The following ELFN2 variants were observed in gnomAD, a reference collection of about 807,000 sequenced individuals.
ELFN2 encodes the protein extracellular leucine rich repeat and fibronectin type III domain containing 2.
A neutral mutation model predicts 45.5 loss-of-function variants in ELFN2; 17 were observed. That is an observed-to-expected ratio of 0.37 (90% CI 0.26 to 0.56). The LOEUF (loss-of-function observed/expected upper bound fraction) is 0.56, where lower values mean the gene tolerates loss of function less well. ELFN2 is among the 20% of genes least tolerant of loss of function. The pLI, the probability that ELFN2 is intolerant of heterozygous loss-of-function variation, is 0.77. For synonymous variants in ELFN2, 550 were observed against 551.5 expected (o/e 1.00, Z 0.04); for missense variants, 922 against 1,183.2 (o/e 0.78, Z 3.24).
intron 1 of ELFN2, among the ~76,000 whole-genome samples, chr22:37,358,914 C>T (rs367815330): frequency 7.2e-5 from 11 of 152,188 alleles, no homozygotes; most frequent in African/African-American, 2.2e-4. Flanking sequence ...TCCAAAAAAA[C>T]GGCCCATCAT....
chr22:37,363,456 G>A (rs949446504), downstream of ELFN2, among the ~76,000 whole-genome samples: 2 of 152,150 alleles, frequency 1.3e-5, no homozygotes, highest in Admixed American at 6.5e-5. Context: ...TCCTTCACAC[G>A]TGACCTTGCT....
chr22:37,417,138 C>A lies in ELFN2; in HGVS notation c.-463+631G>T, dbSNP rs1932768116. On this transcript the variant is annotated intron_variant, in intron 2 of 2. Coordinates refer to ENST00000402918, the MANE Select transcript of ELFN2 (RefSeq NM_052906.5). The surrounding 1 kb of genome is among the most constrained non-coding windows in gnomAD (Gnocchi z 4.5). The stretch of plus-strand genomic sequence containing the variant: ...ACAGCCCCAGCCTCTCCTCTCCTCT[C>A]CTCTCCAGGGCAGCCACCAGCCCCA... 6.6e-6 allele frequency among the ~76,000 whole-genome samples: 1 copy of A among 151,552 alleles called. No individual in the cohort carries two copies. The highest frequency in any genetic ancestry group is 2.4e-5 in the African/African-American group (1 of 41,396).
chr22:37,364,722 AG>A (rs1342672864), downstream of ELFN2, among the ~76,000 whole-genome samples: 1 of 152,208 alleles, frequency 6.6e-6, no homozygotes, highest in African/African-American at 2.4e-5. Context: ...GGCCAAATCC[AG>A]GGGCCTTCCT....
At chr22:37,356,771 C>A (rs191379111) in intron 1 of ELFN2, among the ~76,000 whole-genome samples, 11 of 152,302 alleles carry the variant, frequency 7.2e-5, no homozygotes, top group Non-Finnish European at 1.5e-4. Flanking sequence ...CACACTTTGT[C>A]CACGTTCCCA....
chr22:37,341,022 GAGAT>G (rs916948836), intron 2 of ELFN2: 3 of 150,746 alleles, frequency 2.0e-5, no homozygotes, highest in African/African-American at 5.0e-5. Context: ...TGGACTGAGA[GAGAT>G]AGAGAGAGGG....
At chr22:37,379,023 C>T (rs59658750) in intron 2 of ELFN2, among the ~76,000 whole-genome samples, 32,879 of 152,144 alleles carry the variant, frequency 0.22, 3,771 homozygotes, top group South Asian at 0.34. Flanking sequence ...GACAGGGCAG[C>T]ACCCCACATA....
At chr22:37,343,033 T>G (rs776622181) in intron 1 of ELFN2, among the ~76,000 whole-genome samples, 13 of 152,086 alleles carry the variant, frequency 8.5e-5, no homozygotes, top group Non-Finnish European at 1.8e-4. Context: ...GGGGCTCAAG[T>G]CACAGAAACA....
chr22:37,385,679 CA>C (rs1489197113), intron 2 of ELFN2, among the ~76,000 whole-genome samples: 1 of 152,188 alleles, frequency 6.6e-6, no homozygotes, highest in African/African-American at 2.4e-5. Context: ...CCCAGCCTGT[CA>C]GGGGTATTCC....
chr22:37,382,035 G>C (rs1931797073), intron 2 of ELFN2, among the ~76,000 whole-genome samples: 1 of 150,452 alleles, frequency 6.6e-6, no homozygotes, highest in Non-Finnish European at 1.5e-5. Context: ...GTGATGGGGT[G>C]CTCATGATGG....
At position 37,372,908 on chromosome 22, in the gene ELFN2, G is replaced by T; in HGVS notation, c.*164C>A. The T allele has an allele frequency of 1.5e-6, 1 of 683,778 alleles. No individual in the cohort carries two copies. Among genetic ancestry groups the T allele is most frequent in the Non-Finnish European group, 2.4e-6 (1 of 418,026 alleles). The allele number at this position is 683,778 out of a possible 1,614,324, so 42.4% of individuals were successfully genotyped here. ...TCGGATGTTGGTTTGTTCACAGTCG[G>T]GTGGTGGTCAGGTGTGTGTGTGCGT... On this transcript the variant is annotated 3_prime_UTR_variant, in exon 3 of 3. Coordinates refer to ENST00000402918, the MANE Select transcript of ELFN2 (RefSeq NM_052906.5). This position sits in a 1 kb window ranked among gnomAD's most constrained non-coding sequence, Gnocchi z 4.4.
rs142158248 is a variant in ELFN2, at chr22:37,375,836, CCCT to C, written c.-305_-303del. ...GGGTTCTCAGGGCTTGACTTCCTCT[CCCT>C]CCTCCTCCTCCTCCTCCTCCTCCTC... On this transcript the variant is annotated 5_prime_UTR_variant, in exon 3 of 3. Coordinates refer to ENST00000402918, the MANE Select transcript of ELFN2 (RefSeq NM_052906.5). 0.045 allele frequency: 15,381 copies of C among 338,660 alleles called. 258 individuals carry two copies. The highest frequency in any genetic ancestry group is 0.1 in the African/African-American group (4,586 of 44,148). The allele number at this position is 338,660 out of a possible 1,614,324, so 21.0% of individuals were successfully genotyped here.
At chr22:37,409,865 G>A (rs758470085) in intron 2 of ELFN2, among the ~76,000 whole-genome samples, 2 of 152,118 alleles carry the variant, frequency 1.3e-5, no homozygotes, top group East Asian at 1.9e-4. Context: ...AAGAACAGAT[G>A]GTGTACGTGT....
chr22:37,407,971 G>A (rs553371764), intron 2 of ELFN2, among the ~76,000 whole-genome samples: 1 of 152,282 alleles, frequency 6.6e-6, no homozygotes, highest in East Asian at 1.9e-4. Flanking sequence ...GAGGACCTCA[G>A]AGCAACCCCT....
chr22:37,381,327 A>G (rs1931757940), intron 2 of ELFN2, among the ~76,000 whole-genome samples: 1 of 151,968 alleles, frequency 6.6e-6, no homozygotes, highest in Admixed American at 6.5e-5. Context: ...CCCCTGTCAG[A>G]GGAAAGCGTG....
intron 2 of ELFN2, among the ~76,000 whole-genome samples, chr22:37,381,304 A>G (rs73884014): frequency 0.016 from 1,504 of 95,458 alleles, 30 homozygotes; most frequent in African/African-American, 0.053. Flanking sequence ...GAGCCAGTCT[A>G]CTGGGTTTTC....
chr22:37,413,217 G>C (rs543727613), intron 2 of ELFN2, among the ~76,000 whole-genome samples: 1 of 152,210 alleles, frequency 6.6e-6, no homozygotes, highest in Admixed American at 6.5e-5. Flanking sequence ...GGCAGAAATG[G>C]GGGTGAGAGG....
At chr22:37,418,168 T>G in intron 1 of ELFN2, among the ~76,000 whole-genome samples, 2 of 147,768 alleles carry the variant, frequency 1.4e-5, no homozygotes, top group African/African-American at 2.5e-5. Flanking sequence ...GATAGAGAGA[T>G]GGGGGAGACA....
intron 1 of ELFN2, among the ~76,000 whole-genome samples, chr22:37,342,935 G>A (rs1930596948): frequency 6.6e-6 from 1 of 152,178 alleles, no homozygotes; most frequent in Non-Finnish European, 1.5e-5. Flanking sequence ...GAGAGCCTGA[G>A]AGCCTTGCCC....
intron 2 of ELFN2, among the ~76,000 whole-genome samples, chr22:37,416,855 T>C (rs190163099): frequency 6.6e-6 from 1 of 151,950 alleles, no homozygotes; most frequent in Admixed American, 6.5e-5. Flanking sequence ...TCACTACCCC[T>C]TTCCTGGGGA....
Sources: gnomAD v4.1 joint callset for allele counts (sites outside exome capture counted in the v4.1 genomes callset) on GRCh38, gnomAD v4.1.1 for gene constraint, Gnocchi (gnomAD v3.1) non-coding constraint, MANE v1.5 for transcripts, NCBI Gene and HGNC (gene_info 2026-07-23, HGNC 2026-07-21) for gene names.